The following LUZP2 variants were observed in gnomAD, a reference collection of about 807,000 sequenced individuals.
LUZP2 encodes the protein leucine zipper protein 2.
Under a neutral mutation model 51.6 loss-of-function variants are expected in LUZP2, and 52 were observed. The ratio of observed to expected loss-of-function variants is 1.01; its 90% CI spans 0.81 to 1.27. LUZP2 has a LOEUF of 1.27. LUZP2 is among the 50% of genes most tolerant of loss of function. The pLI is 0.00. For synonymous variants in LUZP2, 154 were observed against 137.3 expected, an observed-to-expected ratio of 1.12 and a Z score of -0.85; for missense variants, 436 against 395.4, an observed-to-expected ratio of 1.10 and a Z score of -0.87.
chr11:25,039,460 G>A (rs1857970478), intron 9 of LUZP2, among the ~76,000 whole-genome samples: 1 of 152,150 alleles, frequency 6.6e-6, no homozygotes, highest in South Asian at 2.1e-4. Context: ...AGGGAATCAG[G>A]CAGTGTTTTA....
chr11:24,689,810 C>T (rs1257786413), intron 1 of LUZP2, among the ~76,000 whole-genome samples: 1 of 152,158 alleles, frequency 6.6e-6, no homozygotes, highest in African/African-American at 2.4e-5. Flanking sequence ...AGCATTCACT[C>T]CTTTTTCATA....
At chr11:25,066,881 G>A (rs1403164363) in intron 10 of LUZP2, among the ~76,000 whole-genome samples, 2 of 151,944 alleles carry the variant, frequency 1.3e-5, no homozygotes, top group African/African-American at 2.4e-5. Context: ...ACAAAAGGTT[G>A]TCTGTTTCTA....
At chr11:24,579,867 C>G (rs1009800268) in intron 1 of LUZP2, among the ~76,000 whole-genome samples, 1 of 152,072 alleles carries the variant, frequency 6.6e-6, no homozygotes, top group Non-Finnish European at 1.5e-5. Context: ...TAACCTGATA[C>G]TGTCTTTATC....
At chr11:24,527,582 C>A (rs1850850395) in intron 1 of LUZP2, among the ~76,000 whole-genome samples, 1 of 143,180 alleles carries the variant, frequency 7.0e-6, no homozygotes. Flanking sequence ...CACACACACA[C>A]ACACACACAC....
chr11:24,532,593 T>C (rs1046933320), intron 1 of LUZP2, among the ~76,000 whole-genome samples: 10 of 151,044 alleles, frequency 6.6e-5, no homozygotes, highest in African/African-American at 2.2e-4. Flanking sequence ...TCTATTGCTG[T>C]ACTTAATGTT....
chr11:24,596,824 G>A (rs1853459880), intron 1 of LUZP2, among the ~76,000 whole-genome samples: 1 of 152,292 alleles, frequency 6.6e-6, no homozygotes, highest in South Asian at 2.1e-4. Context: ...TACAGTCACA[G>A]GAATAATCTG....
intron 5 of LUZP2, among the ~76,000 whole-genome samples, chr11:24,814,050 G>T (rs568460397): frequency 6.6e-6 from 1 of 152,358 alleles, no homozygotes; most frequent in South Asian, 2.1e-4. Context: ...AATTGGTAGT[G>T]TTAGCTATTA....
intron 9 of LUZP2, among the ~76,000 whole-genome samples, chr11:24,984,129 TG>T (rs1371029929): frequency 7.9e-5 from 12 of 151,594 alleles, no homozygotes; most frequent in African/African-American, 2.9e-4. Flanking sequence ...GAGCATCACT[TG>T]TTATTAAAAT....
chr11:24,549,910 C>T (rs1233846980), intron 1 of LUZP2, among the ~76,000 whole-genome samples: 1 of 151,994 alleles, frequency 6.6e-6, no homozygotes, highest in African/African-American at 2.4e-5. Flanking sequence ...AATAAAATTA[C>T]TGCTCTTTAG....
chr11:24,939,002 C>A lies in LUZP2; in HGVS notation c.522+24464C>A, dbSNP rs1278014965. Among the ~76,000 whole-genome samples the A allele has an allele frequency of 3.3e-5, 5 of 151,824 alleles. No homozygotes were observed. In the South Asian group the frequency reaches 6.3e-4, roughly 19 times the overall value. On this transcript the variant is annotated intron_variant, in intron 7 of 11. Coordinates refer to ENST00000336930, the MANE Select transcript of LUZP2 (RefSeq NM_001009909.4). ...CAAGGTGCTGAGTCTAATGGTCTAG[C>A]CACACTTTAAATTGGAAGGCCTAGC...
intron 9 of LUZP2, among the ~76,000 whole-genome samples, chr11:25,046,245 A>G (rs1278981552): frequency 6.6e-6 from 1 of 150,628 alleles, no homozygotes; most frequent in Non-Finnish European, 1.5e-5. Flanking sequence ...AAATGAGTCA[A>G]TGATTATTAG....
chr11:25,059,129 A>G (rs940990133), intron 10 of LUZP2, among the ~76,000 whole-genome samples: 1 of 152,180 alleles, frequency 6.6e-6, no homozygotes, highest in Non-Finnish European at 1.5e-5. Context: ...CAGATTTACC[A>G]GTTGTGTATT....
rs111698485 is a variant in LUZP2 at position 24,748,358 on chromosome 11, C to G, written c.333+10056C>G. On this transcript the variant is annotated intron_variant, in intron 4 of 11. Transcript: ENST00000336930. The stretch of plus-strand genomic sequence containing the variant: ...GTGTGTTCAGGAGCCGAGGGTCTCC[C>G]TTTCCCAATTCCACGGTTTGGGTAC... 6.0e-4 allele frequency among the ~76,000 whole-genome samples: 92 copies of G among 152,274 alleles called. 1 individual carries two copies. Among genetic ancestry groups the G allele is most frequent in the African/African-American group, 2.1e-3 (89 of 41,566 alleles).
chr11:24,578,835 T>C (rs577871234), intron 1 of LUZP2, among the ~76,000 whole-genome samples: 301 of 152,198 alleles, frequency 2.0e-3, no homozygotes, highest in Non-Finnish European at 3.8e-3. Flanking sequence ...TGCTCAGTAC[T>C]TTGGTGACTG....
chr11:24,518,551 T>G (rs939604921), intron 1 of LUZP2, among the ~76,000 whole-genome samples: 4 of 152,168 alleles, frequency 2.6e-5, no homozygotes, highest in Non-Finnish European at 5.9e-5. Context: ...AGTTACTGAG[T>G]GTCCTTAGTC....
At chr11:25,054,367 T>C (rs1858614401) in intron 10 of LUZP2, among the ~76,000 whole-genome samples, 1 of 152,192 alleles carries the variant, frequency 6.6e-6, no homozygotes, top group African/African-American at 2.4e-5. Context: ...TCTTCATGCT[T>C]TTGATATATC....
At chr11:24,981,757 G>T (rs1026928326) in intron 8 of LUZP2, among the ~76,000 whole-genome samples, 2 of 151,958 alleles carry the variant, frequency 1.3e-5, no homozygotes, top group South Asian at 2.1e-4. Context: ...CTATGGCAAC[G>T]ATTCTAAATA....
At chr11:24,858,518 A>T (rs530368971) in intron 5 of LUZP2, among the ~76,000 whole-genome samples, 5 of 152,270 alleles carry the variant, frequency 3.3e-5, no homozygotes, top group East Asian at 1.9e-4. Context: ...ATGTAAAATA[A>T]TGTTACATTT....
intron 5 of LUZP2, among the ~76,000 whole-genome samples, chr11:24,826,944 C>G (rs534612736): frequency 6.6e-6 from 1 of 151,734 alleles, no homozygotes; most frequent in African/African-American, 2.4e-5. Flanking sequence ...CAACACAGAA[C>G]AATTAAAAAC....
Sources: gnomAD v4.1 joint callset for allele counts (sites outside exome capture counted in the v4.1 genomes callset) on GRCh38, gnomAD v4.1.1 for gene constraint, MANE v1.5 for transcripts, NCBI Gene and HGNC (gene_info 2026-07-23, HGNC 2026-07-21) for gene names.